The following PPP1R14C variants were observed in gnomAD, a reference collection of about 807,000 sequenced individuals.
PPP1R14C encodes protein phosphatase 1 regulatory subunit 14C.
A neutral mutation model predicts 20.4 loss-of-function variants in PPP1R14C; 16 were observed. The ratio of observed to expected loss-of-function variants is 0.78; its 90% CI spans 0.53 to 1.19. PPP1R14C has a LOEUF of 1.19. Among genes scored for constraint, PPP1R14C ranks in the 50% most tolerant of loss-of-function variants. The pLI, the probability that PPP1R14C is intolerant of heterozygous loss-of-function variation, is 0.00. For missense variants in PPP1R14C, 211 were observed against 220.1 expected, an observed-to-expected ratio of 0.96 and a Z score of 0.26; for synonymous variants, 91 against 91.0, an observed-to-expected ratio of 1.00 and a Z score of 0.00.
rs1046281686 is a variant in PPP1R14C, at chr6:150,168,129, C to G, written c.306+24631C>G. ...TTTACTTCCCTCCCCCACTCCTTCT[C>G]CCTAACACAATACAGCGTCCCTTTT... is the stretch of plus-strand genomic sequence containing the variant. On this transcript the variant is annotated intron_variant, in intron 1 of 3. Transcript: ENST00000361131. 2.3e-5 allele frequency among the ~76,000 whole-genome samples: 3 copies of G among 130,602 alleles called. No homozygotes were observed. The Admixed American group carries it at 2.4e-4, about 10-fold the overall frequency. 85.7% of individuals were successfully genotyped at this position (130,602 alleles called of 152,430 possible).
chr6:150,186,551 T>C (rs1398931794), intron 1 of PPP1R14C, among the ~76,000 whole-genome samples: 1 of 152,076 alleles, frequency 6.6e-6, no homozygotes, highest in Non-Finnish European at 1.5e-5. Context: ...TGGAAAAGCT[T>C]TGGGGAGCAG....
At chr6:150,155,420 G>A (rs114324783) in intron 1 of PPP1R14C, among the ~76,000 whole-genome samples, 1 of 152,108 alleles carries the variant, frequency 6.6e-6, no homozygotes, top group African/African-American at 2.4e-5. Context: ...AATACTCAGT[G>A]ATATAAGTAG....
chr6:150,143,307 G>T lies in PPP1R14C; in HGVS notation c.115G>T (p.Gly39Cys). The T allele has an allele frequency of 3.2e-6, 5 of 1,574,376 alleles. No individual in the cohort carries two copies. Among genetic ancestry groups the T allele is most frequent in the Non-Finnish European group, 4.3e-6 (5 of 1,164,444 alleles). The change falls in exon 1 of 4, where the codon GGC (glycine) becomes TGC (cysteine). Residue 39 changes from glycine to cysteine, a missense_variant. By Grantham distance (159) the Gly-to-Cys change is radical. Transcript: ENST00000361131. This position sits in a 1 kb window ranked among gnomAD's most constrained non-coding sequence, Gnocchi z 5.6. ...GAGGSPGSSS[G>C]SGSSREDSAP... ...CGGTGGCAGCCCCGGCTCCAGCAGC[G>T]GCTCAGGCTCCTCCCGGGAGGACTC...
chr6:150,216,552 A>T (rs954146587), intron 2 of PPP1R14C, among the ~76,000 whole-genome samples: 1 of 142,274 alleles, frequency 7.0e-6, no homozygotes, highest in Non-Finnish European at 1.5e-5. Context: ...TTTCAATGCT[A>T]TGGTAGCAAA....
chr6:150,144,466 C>T (rs1335137342), intron 1 of PPP1R14C, among the ~76,000 whole-genome samples: 1 of 152,198 alleles, frequency 6.6e-6, no homozygotes, highest in African/African-American at 2.4e-5. Flanking sequence ...ATGAAGTGAC[C>T]TCCTCTTAAG....
At chr6:150,222,125 C>T (rs536082319) in intron 3 of PPP1R14C, among the ~76,000 whole-genome samples, 8 of 126,444 alleles carry the variant, frequency 6.3e-5, no homozygotes, top group Non-Finnish European at 1.1e-4. Context: ...GTGGTGGTAA[C>T]GATAGCAATG....
chr6:150,160,016 T>C (rs1211612512), intron 1 of PPP1R14C, among the ~76,000 whole-genome samples: 4 of 152,156 alleles, frequency 2.6e-5, no homozygotes, highest in African/African-American at 7.2e-5. Context: ...ATGGCATTTG[T>C]CGGATGTTTT....
intron 3 of PPP1R14C, among the ~76,000 whole-genome samples, chr6:150,222,704 A>T (rs1254217708): frequency 6.8e-6 from 1 of 147,824 alleles, no homozygotes; most frequent in Non-Finnish European, 1.5e-5. Context: ...AATTAACCGT[A>T]TATAGCCTTT....
rs76215124 is a variant in PPP1R14C at position 150,173,692 on chromosome 6, A to T, written c.306+30194A>T. Reference sequence around the variant, plus strand: ...TCACTGTGTTTTCCTAACGTGCTTTATCTTGTTCAGTCTTCAGAATAATGC... The same window carrying T: ...TCACTGTGTTTTCCTAACGTGCTTTTTCTTGTTCAGTCTTCAGAATAATGC... On this transcript the variant is annotated intron_variant, in intron 1 of 3. Coordinates refer to ENST00000361131, the MANE Select transcript of PPP1R14C (RefSeq NM_030949.3). Among the ~76,000 whole-genome samples the T allele has an allele frequency of 2.5e-3, 374 of 152,156 alleles. 3 individuals are homozygous for T. The highest frequency in any genetic ancestry group is 9.3e-3 in the East Asian group (48 of 5,168).
chr6:150,168,517 A>T (rs1562260059), intron 1 of PPP1R14C, among the ~76,000 whole-genome samples: 1 of 145,472 alleles, frequency 6.9e-6, no homozygotes, highest in East Asian at 2.0e-4. Context: ...TGGGCGAAAG[A>T]GCGAGACTCC....
At chr6:150,176,114 G>A (rs1018980830) in intron 1 of PPP1R14C, among the ~76,000 whole-genome samples, 5 of 152,228 alleles carry the variant, frequency 3.3e-5, no homozygotes, top group East Asian at 1.9e-4. Context: ...CTGTTGGAGA[G>A]AGAGTGTTCT....
chr6:150,158,251 A>G (rs190159883), intron 1 of PPP1R14C, among the ~76,000 whole-genome samples: 1 of 152,348 alleles, frequency 6.6e-6, no homozygotes, highest in East Asian at 1.9e-4. Flanking sequence ...TTGTTAATCT[A>G]GTATTCAAAT....
intron 1 of PPP1R14C, among the ~76,000 whole-genome samples, chr6:150,153,493 C>A (rs1777273490): frequency 6.6e-6 from 1 of 152,198 alleles, no homozygotes; most frequent in Admixed American, 6.5e-5. Context: ...TTTGTTTGCA[C>A]AGGAATTGCT....
At chr6:150,225,998 C>T (rs1156416539) in intron 3 of PPP1R14C, among the ~76,000 whole-genome samples, 2 of 152,100 alleles carry the variant, frequency 1.3e-5, no homozygotes, top group African/African-American at 4.8e-5. Flanking sequence ...GGTGTGTCAC[C>T]TTCTGTCATA....
intron 3 of PPP1R14C, among the ~76,000 whole-genome samples, chr6:150,225,274 G>A (rs902514837): frequency 2.6e-5 from 4 of 152,310 alleles, no homozygotes; most frequent in Middle Eastern, 6.8e-3. Context: ...TCACTGTGAG[G>A]ACCTGGGAGA....
chr6:150,194,027 C>T (rs139189630), intron 1 of PPP1R14C, among the ~76,000 whole-genome samples: 20 of 152,228 alleles, frequency 1.3e-4, no homozygotes, highest in African/African-American at 4.3e-4. Context: ...GAATGTCTCA[C>T]GAGATCTGCT....
intron 1 of PPP1R14C, among the ~76,000 whole-genome samples, chr6:150,149,443 A>ATTT (rs1216146263): frequency 1.2e-4 from 14 of 119,930 alleles, no homozygotes; most frequent in African/African-American, 3.0e-4. Flanking sequence ...CTCCCACCTA[A>ATTT]TTTTTTTTTT....
intron 3 of PPP1R14C, among the ~76,000 whole-genome samples, chr6:150,224,576 C>A (rs1385189546): frequency 2.6e-5 from 4 of 151,740 alleles, no homozygotes; most frequent in Admixed American, 1.3e-4. Context: ...CCATCAAAGG[C>A]ATTATTTCTG....
chr6:150,186,414 C>G (rs1777677443), intron 1 of PPP1R14C, among the ~76,000 whole-genome samples: 1 of 152,188 alleles, frequency 6.6e-6, no homozygotes, highest in African/African-American at 2.4e-5. Flanking sequence ...AGTTATTCCA[C>G]TGGGCTTTTG....
Sources: gnomAD v4.1 joint callset for allele counts (sites outside exome capture counted in the v4.1 genomes callset) on GRCh38, gnomAD v4.1.1 for gene constraint, Gnocchi (gnomAD v3.1) non-coding constraint, MANE v1.5 for transcripts, NCBI Gene and HGNC (gene_info 2026-07-23, HGNC 2026-07-21) for gene names.